The following SMYD3 variants were observed in gnomAD, a reference collection of about 807,000 sequenced individuals.
SMYD3 encodes histone-lysine N-methyltransferase SMYD3.
In SMYD3, 36 loss-of-function variants were observed where a neutral mutation model predicts 57.7. The ratio of observed to expected loss-of-function variants is 0.62; its 90% CI spans 0.48 to 0.82. The LOEUF (loss-of-function observed/expected upper bound fraction) is 0.82, where lower values mean the gene tolerates loss of function less well. SMYD3 is among the 40% of genes least tolerant of loss of function. The pLI, the probability that SMYD3 is intolerant of heterozygous loss-of-function variation, is 0.00. For missense variants in SMYD3, 515 were observed against 538.8 expected (o/e 0.96, Z 0.44); for synonymous variants, 211 against 195.0 (o/e 1.08, Z -0.68).
chr1:246,162,427 TG>T (rs2062138039), intron 5 of SMYD3, among the ~76,000 whole-genome samples: 1 of 152,226 alleles, frequency 6.6e-6, no homozygotes, highest in Admixed American at 6.5e-5. Context: ...CCAACTGATC[TG>T]AACTCTACTG....
chr1:246,071,084 A>G (rs1054524067), intron 5 of SMYD3, among the ~76,000 whole-genome samples: 20 of 152,248 alleles, frequency 1.3e-4, no homozygotes, highest in African/African-American at 4.6e-4. Flanking sequence ...TTCTATCAGC[A>G]GAAGCACTGG....
intron 1 of SMYD3, among the ~76,000 whole-genome samples, chr1:246,499,919 G>T (rs942995197): frequency 1.3e-5 from 2 of 152,066 alleles, no homozygotes; most frequent in Non-Finnish European, 2.9e-5. Flanking sequence ...GGATAAAGGG[G>T]TCCTGAGACT....
chr1:246,008,848 G>T (rs2059225351), intron 5 of SMYD3, among the ~76,000 whole-genome samples: 1 of 152,152 alleles, frequency 6.6e-6, no homozygotes, highest in Admixed American at 6.5e-5. Flanking sequence ...TTCTGTTTAG[G>T]CCTGCAGAGT....
intron 1 of SMYD3, among the ~76,000 whole-genome samples, chr1:246,479,693 A>C (rs1221821771): frequency 6.6e-6 from 1 of 151,722 alleles, no homozygotes; most frequent in Non-Finnish European, 1.5e-5. Context: ...ATTTTTGTAG[A>C]GCCAAGGTCT....
intron 5 of SMYD3, among the ~76,000 whole-genome samples, chr1:245,965,057 A>G (rs1225930842): frequency 6.6e-6 from 1 of 152,046 alleles, no homozygotes; most frequent in Non-Finnish European, 1.5e-5. Flanking sequence ...AAAGATAAAG[A>G]AAAAAAATAT....
intron 5 of SMYD3, among the ~76,000 whole-genome samples, chr1:246,294,656 T>C (rs1031227809): frequency 1.3e-5 from 2 of 152,042 alleles, no homozygotes; most frequent in African/African-American, 4.8e-5. Context: ...TGGCGTGCAG[T>C]GGTGCAATCT....
chr1:245,988,107 AACACACACACACACACAC>A (rs35432668), intron 5 of SMYD3, among the ~76,000 whole-genome samples: 20,437 of 148,754 alleles, frequency 0.14, 1,486 homozygotes, highest in South Asian at 0.23. Context: ...AACCAAACCA[AACACACACACACACACAC>A]ACACACACAC....
At chr1:246,107,144 A>G (rs34641060) in intron 5 of SMYD3, among the ~76,000 whole-genome samples, 46,668 of 134,764 alleles carry the variant, frequency 0.35, 11,517 homozygotes, top group African/African-American at 0.67. Context: ...AAAATTAGCC[A>G]GGCGTGGTGG....
chr1:246,240,868 T>C (rs1262762498), intron 5 of SMYD3, among the ~76,000 whole-genome samples: 1 of 151,856 alleles, frequency 6.6e-6, no homozygotes, highest in African/African-American at 2.4e-5. Flanking sequence ...GAATGGGAGA[T>C]CACTCATGAT....
intron 5 of SMYD3, among the ~76,000 whole-genome samples, chr1:246,264,727 G>A (rs2064071815): frequency 6.6e-6 from 1 of 152,102 alleles, no homozygotes; most frequent in Non-Finnish European, 1.5e-5. Flanking sequence ...AAATTCCTAA[G>A]ATCTAACTAG....
chr1:245,899,289 C>T (rs1183889149), intron 8 of SMYD3, among the ~76,000 whole-genome samples: 2 of 152,012 alleles, frequency 1.3e-5, no homozygotes, highest in Non-Finnish European at 2.9e-5. Flanking sequence ...ACAGAGATCT[C>T]AGAGGAGTGT....
rs368366680 is a variant in SMYD3 at position 245,941,167 on chromosome 1, T to C, written c.532-11230A>G. Among the ~76,000 whole-genome samples, 4 of 152,184 alleles carry C rather than the reference T, an allele frequency of 2.6e-5. No individual in the cohort carries two copies. In the East Asian group the frequency reaches 7.7e-4, roughly 29 times the overall value. On this transcript the variant is annotated intron_variant, in intron 5 of 11. Transcript: ENST00000490107. ...AACCTCCAAGAACTATTGGTTTATA[T>C]AAAAAGACCAAATCTACGAATGATT...
intron 10 of SMYD3, among the ~76,000 whole-genome samples, chr1:245,835,398 G>A (rs1376648513): frequency 1.3e-5 from 2 of 152,058 alleles, no homozygotes; most frequent in African/African-American, 2.4e-5. Flanking sequence ...GATTACAGGC[G>A]TGAGCCACCG....
chr1:246,073,930 A>G (rs555914025), intron 5 of SMYD3, among the ~76,000 whole-genome samples: 1 of 152,322 alleles, frequency 6.6e-6, no homozygotes, highest in East Asian at 1.9e-4. Context: ...ATTTCCTAAG[A>G]AGAAATCAAG....
chr1:245,861,784 G>A (rs979889006), intron 9 of SMYD3, among the ~76,000 whole-genome samples: 4 of 152,094 alleles, frequency 2.6e-5, no homozygotes, highest in African/African-American at 7.2e-5. Flanking sequence ...CTTTGATGCC[G>A]CCATAAGTCT....
intron 5 of SMYD3, among the ~76,000 whole-genome samples, chr1:245,940,465 C>A (rs2057187312): frequency 1.3e-5 from 2 of 152,186 alleles, no homozygotes; most frequent in Non-Finnish European, 2.9e-5. Context: ...GCAGCCTCCA[C>A]TGGTGATACC....
chr1:245,855,042 G>GT (rs1056534035), intron 10 of SMYD3, among the ~76,000 whole-genome samples: 3 of 152,172 alleles, frequency 2.0e-5, no homozygotes, highest in African/African-American at 7.2e-5. Context: ...TTTTAGCCAT[G>GT]TTTATCTTTA....
chr1:246,043,046 T>C (rs1336137033), intron 5 of SMYD3, among the ~76,000 whole-genome samples: 1 of 150,828 alleles, frequency 6.6e-6, no homozygotes, highest in Non-Finnish European at 1.5e-5. Flanking sequence ...TTTTCAGCCA[T>C]TGTCACTACT....
At chr1:246,382,930 C>T (rs1470371504) in intron 1 of SMYD3, among the ~76,000 whole-genome samples, 2 of 152,178 alleles carry the variant, frequency 1.3e-5, no homozygotes, top group Non-Finnish European at 2.9e-5. Flanking sequence ...CCTACAGACA[C>T]ATGCTCCAGG....
Sources: gnomAD v4.1 joint callset for allele counts (sites outside exome capture counted in the v4.1 genomes callset) on GRCh38, gnomAD v4.1.1 for gene constraint, MANE v1.5 for transcripts, NCBI Gene and HGNC (gene_info 2026-07-23, HGNC 2026-07-21) for gene names.